Variants in ABCC11 observed in about 807,000 individuals in gnomAD.
ABCC11 encodes the protein ATP binding cassette subfamily C member 11.
In ABCC11, 135 loss-of-function variants were observed where a neutral mutation model predicts 149.3. The ratio of observed to expected loss-of-function variants is 0.90; its 90% confidence interval spans 0.79 to 1.04. The LOEUF (loss-of-function observed/expected upper bound fraction) is 1.04. Among genes scored for constraint, ABCC11 ranks in the 50% least tolerant of loss-of-function variants. The pLI, the probability that ABCC11 is intolerant of heterozygous loss-of-function variation, is 0.00. For synonymous variants in ABCC11, 665 were observed against 671.4 expected, an observed-to-expected ratio of 0.99 and a Z score of 0.15; for missense variants, 1,680 against 1,722.1, an observed-to-expected ratio of 0.98 and a Z score of 0.43.
At position 48,215,639 on chromosome 16, in the gene ABCC11, C is replaced by T. The variant is rs187141044; in HGVS notation, c.952-295G>A. Among the ~76,000 whole-genome samples the T allele has an allele frequency of 2.5e-3, 384 of 152,320 alleles. 4 individuals are homozygous for T. The highest frequency in any genetic ancestry group is 2.9e-3 in the Non-Finnish European group (196 of 68,036). On this transcript the variant is annotated intron_variant, in intron 7 of 29. Coordinates refer to ENST00000356608, the MANE Select transcript of ABCC11 (RefSeq NM_001370497.1). The stretch of plus-strand genomic sequence containing the variant: ...ATCTTTCCATCAGAGTGACTGCACT[C>T]AGGAAAACACTCAATTTCAATAATT...
intron 6 of ABCC11, among the ~76,000 whole-genome samples, chr16:48,219,391 A>G (rs567769101): frequency 6.6e-6 from 1 of 152,220 alleles, no homozygotes; most frequent in African/African-American, 2.4e-5. Context: ...AGCTGGTCAC[A>G]AACTACTGAA....
intron 5 of ABCC11, among the ~76,000 whole-genome samples, chr16:48,223,196 C>T (rs1194297410): frequency 1.3e-5 from 2 of 152,230 alleles, no homozygotes; most frequent in African/African-American, 4.8e-5. Flanking sequence ...GAACAGTGGC[C>T]TCCTTAGACT....
intron 25 of ABCC11, chr16:48,175,912 G>A: frequency 1.1e-5 from 1 of 90,134 alleles, no homozygotes; most frequent in East Asian, 3.5e-4. Context: ...ACCCACCCAT[G>A]GCACCTGCCA....
rs780064032 is a variant in ABCC11 at position 48,244,417 on chromosome 16, C to T, written c.-19+2897G>A. 1.9e-6 allele frequency: 3 copies of T among 1,581,750 alleles called. No homozygotes were observed. In the East Asian group the frequency reaches 7.2e-5, roughly 38 times the overall value. The stretch of plus-strand genomic sequence containing the variant: ...TCATCAGTGAGCCCCATCCAGATCC[C>T]CAGTCGCCTCCCGCTGCTGCTCACC... On this transcript the variant is annotated intron_variant, in intron 1 of 29. Transcript: ENST00000356608.
chr16:48,181,211 C>A (rs932290355), intron 23 of ABCC11, among the ~76,000 whole-genome samples: 1 of 152,110 alleles, frequency 6.6e-6, no homozygotes, highest in African/African-American at 2.4e-5. Flanking sequence ...GGTGCCTCTC[C>A]CTGAGAGTGC....
rs1010038380 is a variant in ABCC11 at position 48,167,205 on chromosome 16, G to A, written c.*69C>T. The A allele has an allele frequency of 1.3e-6, 1 of 766,468 alleles. No individual in the cohort carries two copies. Among genetic ancestry groups the A allele is most frequent in the South Asian group, 1.4e-5 (1 of 73,316 alleles). The allele number at this position is 766,468 out of a possible 1,614,324, so 47.5% of individuals were successfully genotyped here. On this transcript the variant is annotated 3_prime_UTR_variant, in exon 30 of 30. Coordinates refer to ENST00000356608, the MANE Select transcript of ABCC11 (RefSeq NM_001370497.1). ...CCAAACAAGAAGGTCGCAGACTGTG[G>A]GCCTCGAAGCTGCACCTGTGTGAAC... is the stretch of plus-strand genomic sequence containing the variant.
intron 12 of ABCC11, 33 bp from the exon 13 acceptor site, chr16:48,205,570 T>C (rs72802155): frequency 0.022 from 35,183 of 1,610,574 alleles, 456 homozygotes; most frequent in Non-Finnish European, 0.027. Context: ...TCAGGACCAA[T>C]TGGGCCAAGG....
chr16:48,238,934 TAAAAAAAAAAAA>T (rs3048246), intron 1 of ABCC11, among the ~76,000 whole-genome samples: 6 of 40,576 alleles, frequency 1.5e-4, no homozygotes, highest in African/African-American at 6.1e-4. Context: ...AGACTCTGTC[TAAAAAAAAAAAA>T]AAAAAAAAAA....
At chr16:48,212,521 A>G (rs1167767007) in intron 10 of ABCC11, among the ~76,000 whole-genome samples, 3 of 152,198 alleles carry the variant, frequency 2.0e-5, no homozygotes, top group African/African-American at 7.2e-5. Context: ...GCCGCATGCG[A>G]CCTGTGACCC....
Position 48,176,563 on chromosome 16 carries a change from C to T in ABCC11, c.3538+361G>A, listed in dbSNP as rs1021141426. Among the ~76,000 whole-genome samples the T allele has an allele frequency of 3.9e-5, 6 of 152,106 alleles. No homozygotes were observed. In the East Asian group the frequency reaches 1.2e-3, roughly 29 times the overall value. ...CCTGCAATGCCCCTCCAAAAGTGCTCCTGCCCGGACCCTATACCCCTCAGC... is the reference window on the plus strand; with the variant it reads ...CCTGCAATGCCCCTCCAAAAGTGCTTCTGCCCGGACCCTATACCCCTCAGC... On this transcript the variant is annotated intron_variant, in intron 25 of 29. Transcript: ENST00000356608.
chr16:48,208,999 A>T (rs765410915), intron 11 of ABCC11, among the ~76,000 whole-genome samples: 53 of 152,302 alleles, frequency 3.5e-4, no homozygotes, highest in Admixed American at 1.8e-3. Flanking sequence ...AGCTGAGGGG[A>T]TGGGAAGACA....
chr16:48,172,141 G>A (rs1965761813), intron 26 of ABCC11, among the ~76,000 whole-genome samples: 1 of 152,154 alleles, frequency 6.6e-6, no homozygotes, highest in African/African-American at 2.4e-5. Flanking sequence ...CATGTAGTAT[G>A]TGTCCTTCTG....
At chr16:48,245,646 G>C (rs1195906147) in intron 1 of ABCC11, among the ~76,000 whole-genome samples, 1 of 152,102 alleles carries the variant, frequency 6.6e-6, no homozygotes, top group East Asian at 1.9e-4. Context: ...TAAATGTGCT[G>C]TAAGTGTACA....
intron 4 of ABCC11, 109 bp downstream of exon 4, chr16:48,227,697 C>T: frequency 6.8e-7 from 1 of 1,461,134 alleles, no homozygotes; most frequent in East Asian, 2.3e-5. Flanking sequence ...CAGGAAGAGC[C>T]AAGTCGTCTG....
intron 26 of ABCC11, among the ~76,000 whole-genome samples, chr16:48,174,409 A>T (rs181172565): frequency 6.6e-6 from 1 of 152,286 alleles, no homozygotes; most frequent in Non-Finnish European, 1.5e-5. Context: ...ATCACAAAAC[A>T]TGGGGGGACC....
At chr16:48,204,355 G>A (rs576189971) in intron 13 of ABCC11, among the ~76,000 whole-genome samples, 1 of 152,308 alleles carries the variant, frequency 6.6e-6, no homozygotes, top group African/African-American at 2.4e-5. Flanking sequence ...GGACCCAAGG[G>A]CAGGGGCAGT....
intron 11 of ABCC11, chr16:48,209,217 G>C (rs1187754820): frequency 6.6e-6 from 1 of 152,278 alleles, no homozygotes; most frequent in Non-Finnish European, 1.5e-5. Context: ...TACAGATTTG[G>C]AGGAACCCGG....
chr16:48,210,827 G>A (rs1397914198), intron 11 of ABCC11, 121 bp downstream of exon 11: 2 of 1,330,450 alleles, frequency 1.5e-6, no homozygotes, highest in Non-Finnish European at 2.0e-6. Context: ...AATTTTAAGG[G>A]GAGAGATCTT....
intron 10 of ABCC11, among the ~76,000 whole-genome samples, chr16:48,211,491 G>A (rs1421451660): frequency 6.6e-6 from 1 of 152,114 alleles, no homozygotes; most frequent in East Asian, 1.9e-4. Flanking sequence ...ACCTACATTA[G>A]CCTCATCCCA....
Sources: gnomAD v4.1 joint callset for allele counts (sites outside exome capture counted in the v4.1 genomes callset) on GRCh38, gnomAD v4.1.1 for gene constraint, MANE v1.5 for transcripts, NCBI Gene and HGNC (gene_info 2026-07-23, HGNC 2026-07-21) for gene names.